The following OPCML variants were observed in gnomAD, a reference collection of about 807,000 sequenced individuals.
The protein encoded by OPCML is opioid binding protein/cell adhesion molecule like, also known as opioid-binding protein/cell adhesion molecule.
In OPCML, 13 loss-of-function variants were observed where a neutral mutation model predicts 37.8. The observed-to-expected ratio is 0.34, with a 90% CI of 0.22 to 0.55. The LOEUF (loss-of-function observed/expected upper bound fraction) is 0.55, where lower values mean the gene tolerates loss of function less well. Among genes scored for constraint, OPCML ranks in the 20% least tolerant of loss-of-function variants. OPCML has a pLI of 0.91. For missense variants in OPCML, 341 were observed against 435.6 expected, an observed-to-expected ratio of 0.78 and a Z score of 1.93; for synonymous variants, 176 against 168.8, an observed-to-expected ratio of 1.04 and a Z score of -0.33.
chr11:133,462,122 G>A (rs1467499839), intron 1 of OPCML, among the ~76,000 whole-genome samples: 1 of 151,788 alleles, frequency 6.6e-6, no homozygotes, highest in Non-Finnish European at 1.5e-5. Context: ...ATACAAAAAT[G>A]AACTCTCCCA....
At chr11:133,317,440 G>T (rs1386041546) in intron 1 of OPCML, among the ~76,000 whole-genome samples, 4 of 152,130 alleles carry the variant, frequency 2.6e-5, no homozygotes, top group Non-Finnish European at 5.9e-5. Context: ...GACTTATTTT[G>T]AAACACTGGT....
At chr11:133,166,784 A>ATGAGT (rs1235589922) in intron 1 of OPCML, among the ~76,000 whole-genome samples, 7 of 152,236 alleles carry the variant, frequency 4.6e-5, no homozygotes, top group African/African-American at 1.7e-4. Flanking sequence ...TGTGAAACAG[A>ATGAGT]TTAAACTCAT....
intron 4 of OPCML, among the ~76,000 whole-genome samples, chr11:132,497,530 T>A (rs1239899084): frequency 6.6e-6 from 1 of 152,032 alleles, no homozygotes; most frequent in Non-Finnish European, 1.5e-5. Flanking sequence ...AGAAAATGTC[T>A]CAGTGATTCG....
At chr11:133,285,063 A>T (rs1017543112) in intron 1 of OPCML, among the ~76,000 whole-genome samples, 1 of 152,138 alleles carries the variant, frequency 6.6e-6, no homozygotes, top group Admixed American at 6.5e-5. Flanking sequence ...GGGGTAACTA[A>T]TTCTCCCTAG....
At chr11:133,511,334 CT>C (rs1565675923) in intron 1 of OPCML, among the ~76,000 whole-genome samples, 1 of 152,172 alleles carries the variant, frequency 6.6e-6, no homozygotes, top group African/African-American at 2.4e-5. Flanking sequence ...TCTGAATGAG[CT>C]CCTCATCTAA....
chr11:133,524,466 A>G (rs147714667), intron 1 of OPCML, among the ~76,000 whole-genome samples: 1 of 152,054 alleles, frequency 6.6e-6, no homozygotes, highest in Non-Finnish European at 1.5e-5. Context: ...TGATTGGTAC[A>G]GTTTTTGCTT....
intron 3 of OPCML, among the ~76,000 whole-genome samples, chr11:132,600,317 T>C (rs572435867): frequency 1.3e-5 from 2 of 152,214 alleles, no homozygotes; most frequent in Admixed American, 6.5e-5. Flanking sequence ...CCAGCCTTCA[T>C]CTTTGCAAAG....
intron 4 of OPCML, among the ~76,000 whole-genome samples, chr11:132,462,516 G>A (rs1012032778): frequency 3.3e-5 from 5 of 152,198 alleles, no homozygotes; most frequent in African/African-American, 7.2e-5. Context: ...AGCTGGAAGC[G>A]AGTGGCATTG....
intron 3 of OPCML, among the ~76,000 whole-genome samples, chr11:132,612,825 C>A (rs1236542565): frequency 6.6e-6 from 1 of 152,156 alleles, no homozygotes; most frequent in Non-Finnish European, 1.5e-5. Flanking sequence ...TTGGGCTCTG[C>A]AGTCCGGTCA....
At position 132,680,938 on chromosome 11, in the gene OPCML, C is replaced by T. The variant is rs1045948187; in HGVS notation, c.147-23619G>A. ...ATGGCATCTTTTCTCAGGCAAGCAT[C>T]GCGCAGCGTGGTGTTGGTGATGGTA... On this transcript the variant is annotated intron_variant, in intron 2 of 7. Coordinates refer to ENST00000524381, the MANE Select transcript of OPCML (RefSeq NM_001012393.5). Among the ~76,000 whole-genome samples, 11 of 152,202 alleles carry T rather than the reference C, an allele frequency of 7.2e-5. 1 individual carries two copies. The highest frequency in any genetic ancestry group is 4.6e-4 in the Admixed American group (7 of 15,290).
At chr11:132,437,014 C>T in intron 5 of OPCML, 1 of 862,970 alleles carries the variant, frequency 1.2e-6, no homozygotes, top group Non-Finnish European at 1.4e-6. Flanking sequence ...GTTAACAATT[C>T]TCTCCATTTG....
intron 3 of OPCML, among the ~76,000 whole-genome samples, chr11:132,638,186 T>TATATATATATATATATATATATATATAC (rs71067383): frequency 3.1e-4 from 40 of 131,038 alleles, no homozygotes; most frequent in South Asian, 5.2e-4. Context: ...TATATATATA[T>TATATATATATATATATATATATATATAC]ACAGAGAGAG....
At position 133,157,076 on chromosome 11, in the gene OPCML, C is replaced by G. The variant is rs75302811; in HGVS notation, c.62-214066G>C. On this transcript the variant is annotated intron_variant, in intron 1 of 7. Coordinates refer to ENST00000524381, the MANE Select transcript of OPCML (RefSeq NM_001012393.5). ...CCGGCTACATTTGCACATTTGCATT[C>G]TGCTTATCAGGTCACCCAATGGCAA... Among the ~76,000 whole-genome samples, 1,099 of 152,180 alleles carry G rather than the reference C, an allele frequency of 7.2e-3. 13 individuals are homozygous for G. The highest frequency in any genetic ancestry group is 0.058 in the East Asian group (299 of 5,176).
intron 3 of OPCML, among the ~76,000 whole-genome samples, chr11:132,541,686 G>T (rs1175219921): frequency 6.6e-6 from 1 of 152,152 alleles, no homozygotes; most frequent in Non-Finnish European, 1.5e-5. Flanking sequence ...GCAGAGAGGG[G>T]TTAAATAACT....
At chr11:132,510,746 T>G (rs1303091620) in intron 4 of OPCML, among the ~76,000 whole-genome samples, 1 of 152,196 alleles carries the variant, frequency 6.6e-6, no homozygotes, top group Non-Finnish European at 1.5e-5. Flanking sequence ...TTTGTTCCTA[T>G]GTCTTTATCA....
intron 1 of OPCML, among the ~76,000 whole-genome samples, chr11:133,221,114 A>G (rs1268493539): frequency 6.6e-6 from 1 of 152,134 alleles, no homozygotes; most frequent in Non-Finnish European, 1.5e-5. Flanking sequence ...TTTATATGAC[A>G]CAGCTAAAGT....
intron 1 of OPCML, among the ~76,000 whole-genome samples, chr11:133,440,826 AT>A (rs1253809880): frequency 1.4e-5 from 2 of 146,414 alleles, no homozygotes; most frequent in African/African-American, 5.1e-5. Flanking sequence ...ATATATATAT[AT>A]ATAAATCATA....
intron 1 of OPCML, among the ~76,000 whole-genome samples, chr11:133,367,657 T>G (rs1246022897): frequency 6.6e-6 from 1 of 152,196 alleles, no homozygotes; most frequent in Non-Finnish European, 1.5e-5. Flanking sequence ...CATCTAATAA[T>G]AGCTCAATTT....
chr11:133,460,907 C>T (rs1946843642), intron 1 of OPCML, among the ~76,000 whole-genome samples: 2 of 151,622 alleles, frequency 1.3e-5, no homozygotes, highest in Non-Finnish European at 3.0e-5. Context: ...TCCTTAAATG[C>T]AAAGGTGGTT....
Sources: gnomAD v4.1 joint callset for allele counts (sites outside exome capture counted in the v4.1 genomes callset) on GRCh38, gnomAD v4.1.1 for gene constraint, MANE v1.5 for transcripts, NCBI Gene and HGNC (gene_info 2026-07-23, HGNC 2026-07-21) for gene names.